PCDH11X: variants seen among roughly 807,000 people sequenced by gnomAD.
PCDH11X encodes protocadherin-11 X-linked.
Under a neutral mutation model 53.3 loss-of-function variants are expected in PCDH11X, and 18 were observed. The ratio of observed to expected loss-of-function variants is 0.34; its 90% CI spans 0.23 to 0.50. The LOEUF (loss-of-function observed/expected upper bound fraction) is 0.50. Among genes scored for constraint, PCDH11X ranks in the 20% least tolerant of loss-of-function variants. PCDH11X has a pLI of 0.98. For missense variants in PCDH11X, 570 were observed against 1,032.4 expected (o/e 0.55, Z 6.14); for synonymous variants, 279 against 393.3 (o/e 0.71, Z 3.44).
chrX:92,401,721 C>T (rs1346276760), intron 9 of PCDH11X, among the ~76,000 whole-genome samples: 1 of 112,125 alleles, frequency 8.9e-6, no homozygotes, highest in African/African-American at 3.2e-5. Context: ...TATCAGACTT[C>T]AGCCTGTGCT....
intron 10 of PCDH11X, among the ~76,000 whole-genome samples, chrX:92,518,934 T>C (rs1208834967): frequency 9.2e-6 from 1 of 108,125 alleles, no homozygotes; most frequent in African/African-American, 3.4e-5. Context: ...TTTTTTTGTA[T>C]TTTTAGTAGA....
chrX:91,827,545 A>G (rs1343890756), intron 4 of PCDH11X, among the ~76,000 whole-genome samples: 5 of 108,779 alleles, frequency 4.6e-5, no homozygotes, highest in Non-Finnish European at 7.6e-5. Context: ...TTTGTCCAGG[A>G]TGGAATTCCC....
At chrX:92,045,944 A>AAT (rs1164714593) in intron 6 of PCDH11X, among the ~76,000 whole-genome samples, 1 of 108,241 alleles carries the variant, frequency 9.2e-6, no homozygotes, top group Admixed American at 1.0e-4. Flanking sequence ...ATTACAAAAA[A>AAT]AAAAAAGGAA....
intron 6 of PCDH11X, among the ~76,000 whole-genome samples, chrX:92,124,437 C>T (rs889351752): frequency 2.7e-5 from 3 of 109,490 alleles, no homozygotes; most frequent in African/African-American, 1.0e-4. Context: ...CCCAGCTACT[C>T]AGGAGGCTGA....
At chrX:91,941,983 C>T (rs1484167184) in intron 6 of PCDH11X, among the ~76,000 whole-genome samples, 1 of 109,728 alleles carries the variant, frequency 9.1e-6, no homozygotes, top group Non-Finnish European at 1.9e-5. Flanking sequence ...ACATTTTGAA[C>T]TGAATGGAAA....
rs1297384459 is a variant in PCDH11X, at chrX:92,620,446, A to G, written c.*1506A>G. 7 of 91,632 alleles carry G rather than the reference A, an allele frequency of 7.6e-5. No homozygotes were observed. Among genetic ancestry groups the G allele is most frequent in the African/African-American group, 2.3e-4 (6 of 25,786 alleles). 7.6% of individuals were successfully genotyped at this position (91,632 alleles called of 1,213,427 possible). On this transcript the variant is annotated 3_prime_UTR_variant, in exon 11 of 11. Transcript: ENST00000682573. ...ATACCTTGTTTCAGTATAACACTAAACCAAGAGACAATTGATGTTTAATGG... is the reference window on the plus strand; with the variant it reads ...ATACCTTGTTTCAGTATAACACTAAGCCAAGAGACAATTGATGTTTAATGG...
intron 6 of PCDH11X, among the ~76,000 whole-genome samples, chrX:92,009,287 T>C (rs1276146234): frequency 8.9e-6 from 1 of 111,758 alleles, no homozygotes; most frequent in African/African-American, 3.2e-5. Flanking sequence ...TCAGGGTATT[T>C]TGTGGTCAAG....
chrX:92,419,827 G>A (rs1343134549), intron 9 of PCDH11X, among the ~76,000 whole-genome samples: 2 of 106,697 alleles, frequency 1.9e-5, no homozygotes, highest in Non-Finnish European at 1.9e-5. Flanking sequence ...CTACAGGCGC[G>A]CGCCACCATA....
chrX:91,956,383 G>C (rs1284573536), intron 6 of PCDH11X, among the ~76,000 whole-genome samples: 1 of 111,706 alleles, frequency 9.0e-6, no homozygotes, highest in Non-Finnish European at 1.9e-5. Flanking sequence ...TTTTGTAGTG[G>C]CTGGCAATAG....
intron 6 of PCDH11X, among the ~76,000 whole-genome samples, chrX:91,932,904 C>T (rs1329019023): frequency 6.4e-5 from 7 of 109,730 alleles, no homozygotes; most frequent in Non-Finnish European, 9.5e-5. Flanking sequence ...CTCTTGCTCC[C>T]ACCCTTTTTA....
chrX:92,148,173 C>CTTCTTTCTTTCTTTCTTTCTTTCTTTCT (rs1260262520), intron 6 of PCDH11X, among the ~76,000 whole-genome samples: 1 of 8,392 alleles, frequency 1.2e-4, no homozygotes, highest in African/African-American at 4.4e-4. Flanking sequence ...TCCTTCCTTC[C>CTTCTTTCTTTCTTTCTTTCTTTCTTTCT]TTCTTTCTTT....
intron 6 of PCDH11X, among the ~76,000 whole-genome samples, chrX:92,147,810 C>CTTTTT (rs1556065506): frequency 1.4e-5 from 1 of 70,198 alleles, no homozygotes; most frequent in African/African-American, 5.5e-5. Context: ...TTTCTTCCTT[C>CTTTTT]CTTTCTTTCT....
At chrX:91,841,502 T>TA (rs1260395928) in intron 5 of PCDH11X, among the ~76,000 whole-genome samples, 1 of 111,757 alleles carries the variant, frequency 8.9e-6, no homozygotes, top group East Asian at 2.8e-4. Context: ...TGTTATTAGA[T>TA]ACAGATGTAT....
chrX:92,007,564 T>C, intron 6 of PCDH11X, among the ~76,000 whole-genome samples: 1 of 112,181 alleles, frequency 8.9e-6, no homozygotes, highest in East Asian at 2.9e-4. Context: ...TCAAGTCCTG[T>C]AATCACAGAC....
At chrX:92,000,712 C>T (rs1473250755) in intron 6 of PCDH11X, among the ~76,000 whole-genome samples, 20 of 104,960 alleles carry the variant, frequency 1.9e-4, no homozygotes, top group East Asian at 3.0e-4. Flanking sequence ...ACATTTCACC[C>T]TCACCCAAGC....
chrX:92,597,044 A>G (rs979446757), intron 10 of PCDH11X, among the ~76,000 whole-genome samples: 34 of 111,624 alleles, frequency 3.0e-4, no homozygotes, highest in South Asian at 1.5e-3. Flanking sequence ...AATAAAAGCC[A>G]TATATGACAG....
intron 8 of PCDH11X, among the ~76,000 whole-genome samples, chrX:92,289,292 GT>G (rs2068445203): frequency 9.0e-6 from 1 of 111,005 alleles, no homozygotes; most frequent in Non-Finnish European, 1.9e-5. Context: ...TATATCTACT[GT>G]CTTCTCAATA....
chrX:92,157,781 AT>A lies in PCDH11X; in HGVS notation c.3034-43588del, dbSNP rs1410322774. On this transcript the variant is annotated intron_variant, in intron 6 of 10. Coordinates refer to ENST00000682573, the MANE Select transcript of PCDH11X (RefSeq NM_032968.5). The stretch of plus-strand genomic sequence containing the variant: ...TTCATTATCAAGATTTTCTTTTAGA[AT>A]TTTTTGTGTTAATTTTTATAATATC... 5.6e-3 allele frequency among the ~76,000 whole-genome samples: 632 copies of A among 112,081 alleles called. 3 individuals are homozygous for A. Among genetic ancestry groups the A allele is most frequent in the African/African-American group, 0.019 (595 of 30,922 alleles).
intron 8 of PCDH11X, among the ~76,000 whole-genome samples, chrX:92,363,277 C>G (rs2148542024): frequency 9.0e-6 from 1 of 111,084 alleles, no homozygotes; most frequent in Non-Finnish European, 1.9e-5. Flanking sequence ...GTATTCTAAT[C>G]CATGAACATA....
Sources: allele counts gnomAD v4.1 joint callset (sites outside exome capture counted in the v4.1 genomes callset), GRCh38; gene constraint gnomAD v4.1.1; transcripts MANE v1.5; gene names NCBI Gene and HGNC (gene_info 2026-07-23, HGNC 2026-07-21).